The following DNAJC5 variants were observed in gnomAD, a reference collection of about 807,000 sequenced individuals.
DNAJC5 encodes the protein dnaJ homolog subfamily C member 5.
In DNAJC5, 1 loss-of-function variant was observed where a neutral mutation model predicts 23.2. The ratio of observed to expected loss-of-function variants is 0.04; its 90% CI spans 0.02 to 0.20. DNAJC5 has a LOEUF of 0.20. DNAJC5 is among the 10% of genes least tolerant of loss of function. DNAJC5 has a pLI of 1.00. For missense variants in DNAJC5, 180 were observed against 267.0 expected (o/e 0.67, Z 2.27); for synonymous variants, 136 against 120.0 (o/e 1.13, Z -0.87).
rs550443856 is a variant in DNAJC5 at position 63,916,037 on chromosome 20, G to A, written c.-11-12298G>A. Among the ~76,000 whole-genome samples, 7 of 152,236 alleles carry A rather than the reference G, an allele frequency of 4.6e-5. No individual in the cohort carries two copies. The East Asian group carries it at 5.8e-4, about 13-fold the overall frequency. ...CAACCTCTGCCTCCTGGGTTCAAGC[G>A]ATTTTCCTGCCTCAGCCTCCCAAGT... On this transcript the variant is annotated intron_variant, in intron 1 of 4. Coordinates refer to ENST00000360864, the MANE Select transcript of DNAJC5 (RefSeq NM_025219.3).
chr20:63,929,190 GGT>G lies in DNAJC5; in HGVS notation c.108-120_108-119del. On this transcript the variant is annotated intron_variant, in intron 2 of 4. Transcript: ENST00000360864. The surrounding 1 kb of genome is among the most constrained non-coding windows in gnomAD (Gnocchi z 8.6). ...GCAGCCCTGGAGAGTCGGACAGTGA[GGT>G]GGCCTGGGTGGACCTGCCTTCCACT... The G allele has an allele frequency of 8.8e-7, 1 of 1,141,198 alleles. No homozygotes were observed. Among genetic ancestry groups the G allele is most frequent in the South Asian group, 1.3e-5 (1 of 75,334 alleles). 70.7% of individuals were successfully genotyped at this position (1,141,198 alleles called of 1,614,324 possible).
In DNAJC5 at chr20:63,896,220, C is replaced by T. The variant is rs571060584; in HGVS notation, c.-12+897C>T. Among the ~76,000 whole-genome samples the T allele has an allele frequency of 2.6e-3, 395 of 152,308 alleles. 1 individual carries two copies. The highest frequency in any genetic ancestry group is 9.2e-3 in the African/African-American group (384 of 41,554). On this transcript the variant is annotated intron_variant, in intron 1 of 4. Coordinates refer to ENST00000360864, the MANE Select transcript of DNAJC5 (RefSeq NM_025219.3). ...CCTGAAGGCAAAAGTTTACTCAAAG[C>T]TTCTGAGATTTTATGTTCGTTTATT... is the stretch of plus-strand genomic sequence containing the variant.
rs761814066 is a variant in DNAJC5, at chr20:63,930,918, A to G, written c.389A>G (p.Asn130Ser). 8.5e-5 allele frequency: 137 copies of G among 1,614,056 alleles called. No individual in the cohort carries two copies. The highest frequency in any genetic ancestry group is 1.1e-4 in the Non-Finnish European group (132 of 1,180,026). The change falls in exon 4 of 5, where the codon AAC (asparagine) becomes AGC (serine). Residue 130 changes from asparagine (N) to serine (S), a missense_variant. This residue lies in a region of DNAJC5 where 97 missense variants were observed against 123.4 expected (regional missense o/e 0.79). Coordinates refer to ENST00000360864, the MANE Select transcript of DNAJC5 (RefSeq NM_025219.3). ...YCCCCLCCCF[N>S]CCCGKCKPKA... ...TGCTGCTGTCTGTGCTGCTGCTTCA[A>G]CTGCTGCTGCGGGAAGTGTAAGCCC...
At chr20:63,903,126 C>T (rs1198613017) in intron 1 of DNAJC5, among the ~76,000 whole-genome samples, 1 of 152,108 alleles carries the variant, frequency 6.6e-6, no homozygotes, top group African/African-American at 2.4e-5. Flanking sequence ...GTATGTGTCA[C>T]CACAGTTGAC....
chr20:63,904,441 T>C (rs2053434215), intron 1 of DNAJC5, among the ~76,000 whole-genome samples: 1 of 152,170 alleles, frequency 6.6e-6, no homozygotes, highest in Non-Finnish European at 1.5e-5. Flanking sequence ...GTGTGAGCAC[T>C]GCTTAATTCA....
chr20:63,931,844 C>A lies in DNAJC5; in HGVS notation c.*276C>A. ...CCATGTCTGTGTTGTGGACATTCCG[C>A]GGCATGACCGCGTGAACTGCACGGT... On this transcript the variant is annotated 3_prime_UTR_variant, in exon 5 of 5. Coordinates refer to ENST00000360864, the MANE Select transcript of DNAJC5 (RefSeq NM_025219.3). The surrounding 1 kb of genome is among the most constrained non-coding windows in gnomAD (Gnocchi z 9.6). 1 of 487,806 alleles carries A rather than the reference C, an allele frequency of 2.0e-6. No individual in the cohort carries two copies. Among genetic ancestry groups the A allele is most frequent in the South Asian group, 2.0e-5 (1 of 49,816 alleles). The allele number at this position is 487,806 out of a possible 1,614,324, so 30.2% of individuals were successfully genotyped here.
intron 1 of DNAJC5, among the ~76,000 whole-genome samples, chr20:63,925,338 C>G (rs1158570931): frequency 6.6e-6 from 1 of 152,014 alleles, no homozygotes; most frequent in African/African-American, 2.4e-5. Flanking sequence ...ACAAAAATTA[C>G]CTGGGCGTGG....
intron 1 of DNAJC5, among the ~76,000 whole-genome samples, chr20:63,925,088 G>A (rs1343450237): frequency 1.3e-5 from 2 of 152,226 alleles, no homozygotes; most frequent in East Asian, 3.8e-4. Context: ...GTGTGGCTGG[G>A]TCTGGGGCTT....
rs1317518139 is a variant in DNAJC5 at position 63,931,605 on chromosome 20, C to T, written c.*37C>T. The T allele has an allele frequency of 6.6e-7, 1 of 1,508,444 alleles. No homozygotes were observed. The highest frequency in any genetic ancestry group is 8.9e-7 in the Non-Finnish European group (1 of 1,118,504). The allele number at this position is 1,508,444 out of a possible 1,614,324, so 93.4% of individuals were successfully genotyped here. ...GCTGTGGTCAGAGGAGGAGCCGGCG[C>T]CTGGCCACGCCAACCTTAGAATCAT... On this transcript the variant is annotated 3_prime_UTR_variant, in exon 5 of 5. Transcript: ENST00000360864. This position sits in a 1 kb window ranked among gnomAD's most constrained non-coding sequence, Gnocchi z 9.6.
intron 1 of DNAJC5, among the ~76,000 whole-genome samples, chr20:63,914,483 T>G (rs149770742): frequency 6.6e-6 from 1 of 152,038 alleles, no homozygotes; most frequent in African/African-American, 2.4e-5. Flanking sequence ...CCTGGCTAAT[T>G]TTTTTTGGTA....
Position 63,917,193 on chromosome 20 carries a change from G to A in DNAJC5, c.-11-11142G>A, listed in dbSNP as rs184313460. Among the ~76,000 whole-genome samples, 19 of 152,226 alleles carry A rather than the reference G, an allele frequency of 1.2e-4. No individual in the cohort carries two copies. The East Asian group carries it at 2.1e-3, about 17-fold the overall frequency. On this transcript the variant is annotated intron_variant, in intron 1 of 4. Transcript: ENST00000360864. ...ATGTTCCTTTGCCACAGCTCCAGCC[G>A]GTCCATCTGTTCAGGGTCCCTGACT...
At chr20:63,902,274 T>G (rs1267921257) in intron 1 of DNAJC5, among the ~76,000 whole-genome samples, 3 of 151,726 alleles carry the variant, frequency 2.0e-5, no homozygotes, top group African/African-American at 7.3e-5. Context: ...CAGGATGGTC[T>G]CGATCTCCTG....
At chr20:63,919,381 C>T (rs567125908) in intron 1 of DNAJC5, 92 of 515,526 alleles carry the variant, frequency 1.8e-4, no homozygotes, top group East Asian at 1.1e-4. Flanking sequence ...GGGGAGAGGA[C>T]GCACCCGGCT....
At chr20:63,912,628 T>C (rs548986266) in intron 1 of DNAJC5, among the ~76,000 whole-genome samples, 7 of 152,204 alleles carry the variant, frequency 4.6e-5, no homozygotes, top group Admixed American at 3.3e-4. Flanking sequence ...TGAGACGGAG[T>C]CTCGCTCTGT....
At chr20:63,926,634 T>C (rs557936482) in intron 1 of DNAJC5, among the ~76,000 whole-genome samples, 1 of 152,190 alleles carries the variant, frequency 6.6e-6, no homozygotes, top group Admixed American at 6.5e-5. Flanking sequence ...AGTGGGATAA[T>C]AACAGTCCAA....
In DNAJC5 at chr20:63,920,279, C is replaced by T. The variant is rs748257111; in HGVS notation, c.-11-8056C>T. On this transcript the variant is annotated intron_variant, in intron 1 of 4. Transcript: ENST00000360864. The surrounding 1 kb of genome is among the most constrained non-coding windows in gnomAD (Gnocchi z 4.6). ...CAGGGTGTTGAAGAGACGGCAGGTG[C>T]GTCAGGGGCTGACGTGGGACCCGGC... is the stretch of plus-strand genomic sequence containing the variant. 9.2e-5 allele frequency among the ~76,000 whole-genome samples: 14 copies of T among 152,352 alleles called. No individual in the cohort carries two copies. Among genetic ancestry groups the T allele is most frequent in the Admixed American group, 3.9e-4 (6 of 15,308 alleles).
At chr20:63,916,566 G>T (rs1289555213) in intron 1 of DNAJC5, among the ~76,000 whole-genome samples, 1 of 152,218 alleles carries the variant, frequency 6.6e-6, no homozygotes, top group African/African-American at 2.4e-5. Context: ...TCTGTGTTCA[G>T]CGGTGCATGT....
chr20:63,927,591 C>G (rs1483099094), intron 1 of DNAJC5, among the ~76,000 whole-genome samples: 1 of 151,604 alleles, frequency 6.6e-6, no homozygotes, highest in East Asian at 1.9e-4. Flanking sequence ...GTTGGGTGTT[C>G]TGTGAAGATC....
In DNAJC5 at chr20:63,928,183, T is replaced by C. The variant is rs1465137691; in HGVS notation, c.-11-152T>C. On this transcript the variant is annotated intron_variant, in intron 1 of 4. Transcript: ENST00000360864. The surrounding 1 kb of genome is among the most constrained non-coding windows in gnomAD (Gnocchi z 4.6). ...TATTCTGCCGTCTCACACTTCTCCA[T>C]GCCATGGCGTCTGTCTGTGCACGTG... Among the ~76,000 whole-genome samples the C allele has an allele frequency of 6.6e-6, 1 of 152,228 alleles. No individual in the cohort carries two copies. Among genetic ancestry groups the C allele is most frequent in the African/African-American group, 2.4e-5 (1 of 41,446 alleles).
Sources: allele counts gnomAD v4.1 joint callset (sites outside exome capture counted in the v4.1 genomes callset), GRCh38; gene constraint gnomAD v4.1.1; regional missense constraint gnomAD v4.1.1; non-coding constraint Gnocchi (gnomAD v3.1); transcripts MANE v1.5; gene names NCBI Gene and HGNC (gene_info 2026-07-23, HGNC 2026-07-21).